The following ADARB2 variants were observed in gnomAD, a reference collection of about 807,000 sequenced individuals.
The protein encoded by ADARB2 is adenosine deaminase RNA specific B2 (inactive), also known as inactive double-stranded RNA-specific editase B2.
A neutral mutation model predicts 62.2 loss-of-function variants in ADARB2; 25 were observed. That is an observed-to-expected ratio of 0.40 (90% CI 0.29 to 0.56). The LOEUF is 0.56. ADARB2 is among the 20% of genes least tolerant of loss of function. The pLI is 0.43. For synonymous variants in ADARB2, 572 were observed against 500.8 expected, an observed-to-expected ratio of 1.14 and a Z score of -1.90; for missense variants, 1,071 against 1,077.4, an observed-to-expected ratio of 0.99 and a Z score of 0.08.
intron 1 of ADARB2, among the ~76,000 whole-genome samples, chr10:1,406,396 G>A (rs1010278858): frequency 1.4e-4 from 21 of 152,114 alleles, no homozygotes; most frequent in African/African-American, 4.6e-4. Flanking sequence ...CTCGGTACCC[G>A]GGAAGGAGAG....
intron 1 of ADARB2, among the ~76,000 whole-genome samples, chr10:1,638,672 G>A (rs1833942862): frequency 6.6e-6 from 1 of 152,176 alleles, no homozygotes; most frequent in South Asian, 2.1e-4. Context: ...TCATTTTCCA[G>A]GTGAGTAGAA....
intron 4 of ADARB2, among the ~76,000 whole-genome samples, chr10:1,260,120 C>G (rs926060212): frequency 1.6e-5 from 1 of 61,416 alleles, no homozygotes; most frequent in Non-Finnish European, 3.5e-5. Context: ...CTAAAAAAAC[C>G]TCAATAAATT....
chr10:1,660,521 C>G (rs1394824466), intron 1 of ADARB2, among the ~76,000 whole-genome samples: 1 of 152,164 alleles, frequency 6.6e-6, no homozygotes, highest in Non-Finnish European at 1.5e-5. Flanking sequence ...GAACGAATAG[C>G]TCCAGTATCT....
At chr10:1,573,020 G>A (rs908425531) in intron 1 of ADARB2, among the ~76,000 whole-genome samples, 1 of 152,252 alleles carries the variant, frequency 6.6e-6, no homozygotes, top group African/African-American at 2.4e-5. Context: ...CCTGTGAGAG[G>A]GTTGGCTTCA....
chr10:1,337,618 C>T (rs1050727629), intron 3 of ADARB2, among the ~76,000 whole-genome samples: 1 of 152,000 alleles, frequency 6.6e-6, no homozygotes, highest in Non-Finnish European at 1.5e-5. Context: ...CGGGGTTACC[C>T]ATCCCTCCCA....
At chr10:1,513,531 T>G (rs1190190909) in intron 1 of ADARB2, among the ~76,000 whole-genome samples, 1 of 152,184 alleles carries the variant, frequency 6.6e-6, no homozygotes, top group Admixed American at 6.5e-5. Flanking sequence ...CCACCATGGT[T>G]CTAGCCAGGA....
chr10:1,232,227 C>T (rs1353345266), intron 6 of ADARB2, among the ~76,000 whole-genome samples: 1 of 152,106 alleles, frequency 6.6e-6, no homozygotes, highest in African/African-American at 2.4e-5. Context: ...ACTGCATTGC[C>T]TGCATTGAAA....
At chr10:1,646,872 T>A (rs956573797) in intron 1 of ADARB2, among the ~76,000 whole-genome samples, 1 of 152,248 alleles carries the variant, frequency 6.6e-6, no homozygotes, top group Admixed American at 6.5e-5. Context: ...GCATGCACCC[T>A]TGGTGCAGTC....
intron 5 of ADARB2, among the ~76,000 whole-genome samples, chr10:1,235,230 GGAAGGC>G (rs1830854428): frequency 7.0e-6 from 1 of 142,350 alleles, no homozygotes. Context: ...AAGAGCTGTA[GGAAGGC>G]CTGGGCTCCG....
At chr10:1,256,338 C>T (rs1198505232) in intron 4 of ADARB2, among the ~76,000 whole-genome samples, 2 of 152,196 alleles carry the variant, frequency 1.3e-5, no homozygotes, top group South Asian at 2.1e-4. Flanking sequence ...AACATGTCCT[C>T]CTCCTGCCCT....
chr10:1,368,865 C>CCCTGTGGT (rs141344401), intron 2 of ADARB2, among the ~76,000 whole-genome samples: 92,894 of 120,616 alleles, frequency 0.77, 36,054 homozygotes, highest in Middle Eastern at 0.87. Context: ...GCCGAGCTCG[C>CCCTGTGGT]CCTGTGGCAG....
At chr10:1,392,342 C>T (rs756001591) in intron 1 of ADARB2, among the ~76,000 whole-genome samples, 34 of 152,296 alleles carry the variant, frequency 2.2e-4, no homozygotes, top group Admixed American at 6.5e-4. Context: ...GCCTCTGTTA[C>T]AAGTTTCCTT....
At chr10:1,584,386 A>G (rs1408181558) in intron 1 of ADARB2, among the ~76,000 whole-genome samples, 2 of 152,170 alleles carry the variant, frequency 1.3e-5, no homozygotes, top group Admixed American at 6.5e-5. Context: ...AAAAACACCA[A>G]TGAGATGCCA....
Position 1,626,664 on chromosome 10 carries a change from G to T in ADARB2, c.100+110387C>A, listed in dbSNP as rs943092312. On this transcript the variant is annotated intron_variant, in intron 1 of 9. Transcript: ENST00000381312. ...CCGGGCTGCCCCCACACTCGACATGGAAGAACGTGAATGACTTGCCAGGGC... is the reference window on the plus strand; with the variant it reads ...CCGGGCTGCCCCCACACTCGACATGTAAGAACGTGAATGACTTGCCAGGGC... Among the ~76,000 whole-genome samples, 5 of 152,256 alleles carry T rather than the reference G, an allele frequency of 3.3e-5. No individual in the cohort carries two copies. In the East Asian group the frequency reaches 9.7e-4, roughly 29 times the overall value.
chr10:1,680,529 T>G (rs1381436057), intron 1 of ADARB2, among the ~76,000 whole-genome samples: 4 of 152,166 alleles, frequency 2.6e-5, no homozygotes, highest in African/African-American at 7.2e-5. Flanking sequence ...TCTGTGTGTG[T>G]GGGCGCTTTT....
chr10:1,294,961 C>T (rs1310645646), intron 3 of ADARB2, among the ~76,000 whole-genome samples: 1 of 152,212 alleles, frequency 6.6e-6, no homozygotes, highest in Non-Finnish European at 1.5e-5. Context: ...TTTGTCAAAG[C>T]AGATTTCTGT....
At chr10:1,327,133 G>A (rs1262851684) in intron 3 of ADARB2, among the ~76,000 whole-genome samples, 2 of 79,432 alleles carry the variant, frequency 2.5e-5, no homozygotes, top group Admixed American at 2.5e-4. Flanking sequence ...ACTGCACAGC[G>A]CCTCCTCACT....
chr10:1,625,610 A>G (rs748922528), intron 1 of ADARB2, among the ~76,000 whole-genome samples: 5 of 152,204 alleles, frequency 3.3e-5, no homozygotes, highest in Non-Finnish European at 7.3e-5. Context: ...GGCTTTGTGA[A>G]GAGCAGGGAA....
At chr10:1,554,466 C>A (rs1832673100) in intron 1 of ADARB2, among the ~76,000 whole-genome samples, 1 of 152,146 alleles carries the variant, frequency 6.6e-6, no homozygotes, top group Non-Finnish European at 1.5e-5. Context: ...ACACCAAGAA[C>A]CTCTGCCCCG....
Sources: gnomAD v4.1 joint callset for allele counts (sites outside exome capture counted in the v4.1 genomes callset) on GRCh38, gnomAD v4.1.1 for gene constraint, MANE v1.5 for transcripts, NCBI Gene and HGNC (gene_info 2026-07-23, HGNC 2026-07-21) for gene names.